PEX3: variants seen among roughly 807,000 people sequenced by gnomAD.
The protein encoded by PEX3 is peroxin-3.
A neutral mutation model predicts 55.8 loss-of-function variants in PEX3; 30 were observed. The observed-to-expected ratio is 0.54, with a 90% CI of 0.40 to 0.73. The LOEUF is 0.73. Ranked by LOEUF, PEX3 falls within the 30% of genes least tolerant of loss-of-function variation. PEX3 has a pLI of 0.00. For missense variants in PEX3, 351 were observed against 432.8 expected (o/e 0.81, Z 1.68); for synonymous variants, 135 against 148.4 (o/e 0.91, Z 0.66).
Position 143,487,980 on chromosome 6 carries a change from T to C in PEX3, c.1039-1163T>C, listed in dbSNP as rs1385106845. ...TGTTTGAGTTTTCTTTACATTTTCA[T>C]AGAAATCAAAACACAAAATTTCCCC... On this transcript the variant is annotated intron_variant, in intron 11 of 11. Coordinates refer to ENST00000367591, the MANE Select transcript of PEX3 (RefSeq NM_003630.3). This position sits in a 1 kb window ranked among gnomAD's most constrained non-coding sequence, Gnocchi z 5.3. 6.6e-6 allele frequency among the ~76,000 whole-genome samples: 1 copy of C among 152,146 alleles called. No homozygotes were observed. The highest frequency in any genetic ancestry group is 1.5e-5 in the Non-Finnish European group (1 of 67,996).
chr6:143,456,397 T>C (rs1409194857), intron 1 of PEX3, among the ~76,000 whole-genome samples: 2 of 152,236 alleles, frequency 1.3e-5, no homozygotes, highest in African/African-American at 4.8e-5. Flanking sequence ...AATTAGACCT[T>C]GTATAAGAAC....
At chr6:143,480,797 G>A (rs779804108) in intron 10 of PEX3, among the ~76,000 whole-genome samples, 1 of 152,130 alleles carries the variant, frequency 6.6e-6, no homozygotes, top group Non-Finnish European at 1.5e-5. Flanking sequence ...GATTGCACGA[G>A]CCCAGGAGTT....
intron 4 of PEX3, among the ~76,000 whole-genome samples, chr6:143,469,751 C>T (rs540216824): frequency 2.0e-5 from 3 of 152,176 alleles, no homozygotes; most frequent in Non-Finnish European, 2.9e-5. Flanking sequence ...AGTCCTTGCC[C>T]ATGCCAATGT....
intron 1 of PEX3, among the ~76,000 whole-genome samples, chr6:143,456,439 G>A (rs565778300): frequency 4.6e-5 from 7 of 152,288 alleles, no homozygotes; most frequent in African/African-American, 1.7e-4. Context: ...GAAAAATAAT[G>A]GATTGTGTGA....
Position 143,451,142 on chromosome 6 carries a change from G to C in PEX3, c.73+27G>C, listed in dbSNP as rs756619702. On this transcript the variant is annotated intron_variant, in intron 1 of 11. Transcript: ENST00000367591. The surrounding 1 kb of genome is among the most constrained non-coding windows in gnomAD (Gnocchi z 4.1). Reference sequence around the variant, plus strand: ...TGGGTGACAACGTGCTTGAAAGGGGGCATTGGGAGAAGGGGGTGGGAGAGG... The same window carrying C: ...TGGGTGACAACGTGCTTGAAAGGGGCCATTGGGAGAAGGGGGTGGGAGAGG... 6.6e-7 allele frequency: 1 copy of C among 1,518,488 alleles called. No homozygotes were observed. Among genetic ancestry groups the C allele is most frequent in the African/African-American group, 1.4e-5 (1 of 73,290 alleles). 94.1% of individuals were successfully genotyped at this position (1,518,488 alleles called of 1,614,324 possible). A position where few individuals can be genotyped will look rare whatever the true frequency, so the allele number is the denominator to read the frequency against.
intron 4 of PEX3, among the ~76,000 whole-genome samples, chr6:143,470,129 T>G (rs567193290): frequency 6.6e-6 from 1 of 152,278 alleles, no homozygotes; most frequent in African/African-American, 2.4e-5. Context: ...TTTGTATTTT[T>G]GGTAGAGACA....
rs1010990182 is a variant in PEX3 at position 143,466,526 on chromosome 6, C to A, written c.288-1596C>A. 6.6e-6 allele frequency among the ~76,000 whole-genome samples: 1 copy of A among 151,986 alleles called. No homozygotes were observed. Among genetic ancestry groups the A allele is most frequent in the Non-Finnish European group, 1.5e-5 (1 of 67,936 alleles). ...GAGTTATTGTTGTTAATTTTTTACA[C>A]TGCCTAGTTTATAAATTAAACTTTA... On this transcript the variant is annotated intron_variant, in intron 3 of 11. Transcript: ENST00000367591. The surrounding 1 kb of genome is among the most constrained non-coding windows in gnomAD (Gnocchi z 5.4).
rs747026851 is a variant in PEX3, at chr6:143,459,052, C to G, written c.74-33C>G. The G allele has an allele frequency of 5.5e-6, 8 of 1,460,626 alleles. No individual in the cohort carries two copies. Among genetic ancestry groups the G allele is most frequent in the Admixed American group, 5.0e-5 (3 of 59,488 alleles). 90.5% of individuals were successfully genotyped at this position (1,460,626 alleles called of 1,614,324 possible). A position where few individuals can be genotyped will look rare whatever the true frequency, so the allele number is the denominator to read the frequency against. On this transcript the variant is annotated intron_variant, in intron 1 of 11. Transcript: ENST00000367591. This position sits in a 1 kb window ranked among gnomAD's most constrained non-coding sequence, Gnocchi z 4.2. ...AATACTGTGTAGAATTTTTGGTACT[C>G]TAATGAATATAGTACTTTTTTAATG...
chr6:143,485,350 C>A lies in PEX3; in HGVS notation c.1038+102C>A. On this transcript the variant is annotated intron_variant, in intron 11 of 11. Transcript: ENST00000367591. The surrounding 1 kb of genome is among the most constrained non-coding windows in gnomAD (Gnocchi z 5.6). Reference sequence around the variant, plus strand: ...TACATTCTCTGCTGAGAGGTTTTTTCAAAAAATCACAGAACTTGGAACTAC... The same window carrying A: ...TACATTCTCTGCTGAGAGGTTTTTTAAAAAAATCACAGAACTTGGAACTAC... The A allele has an allele frequency of 1.3e-6, 1 of 758,414 alleles. No individual in the cohort carries two copies. The highest frequency in any genetic ancestry group is 2.5e-5 in the East Asian group (1 of 39,682). 47.0% of individuals were successfully genotyped at this position (758,414 alleles called of 1,614,324 possible). A position where few individuals can be genotyped will look rare whatever the true frequency, so the allele number is the denominator to read the frequency against.
In PEX3 at chr6:143,453,338, G is replaced by A. The variant is rs1252610228; in HGVS notation, c.73+2223G>A. Among the ~76,000 whole-genome samples, 1 of 152,168 alleles carries A rather than the reference G, an allele frequency of 6.6e-6. No individual in the cohort carries two copies. The highest frequency in any genetic ancestry group is 1.5e-5 in the Non-Finnish European group (1 of 68,036). On this transcript the variant is annotated intron_variant, in intron 1 of 11. Transcript: ENST00000367591. This position sits in a 1 kb window ranked among gnomAD's most constrained non-coding sequence, Gnocchi z 4.6. ...TCAACAGGCATGCGCAGAGAAGTTTGGGCATTCAATAGTGGGGGAAGTAAG... is the reference window on the plus strand; with the variant it reads ...TCAACAGGCATGCGCAGAGAAGTTTAGGCATTCAATAGTGGGGGAAGTAAG...
chr6:143,487,695 C>T lies in PEX3; in HGVS notation c.1039-1448C>T, dbSNP rs952440310. Among the ~76,000 whole-genome samples, 1 of 151,940 alleles carries T rather than the reference C, an allele frequency of 6.6e-6. No individual in the cohort carries two copies. The highest frequency in any genetic ancestry group is 2.4e-5 in the African/African-American group (1 of 41,386). On this transcript the variant is annotated intron_variant, in intron 11 of 11. Transcript: ENST00000367591. This position sits in a 1 kb window ranked among gnomAD's most constrained non-coding sequence, Gnocchi z 5.3. ...GCTACTGTTCATGCTGTTGAGCATTCAGCCTGCATTTTCTGAAGCTGACTT... is the reference window on the plus strand; with the variant it reads ...GCTACTGTTCATGCTGTTGAGCATTTAGCCTGCATTTTCTGAAGCTGACTT...
chr6:143,464,904 A>G lies in PEX3; in HGVS notation c.287+1907A>G, dbSNP rs1779972566. Among the ~76,000 whole-genome samples, 1 of 151,926 alleles carries G rather than the reference A, an allele frequency of 6.6e-6. No homozygotes were observed. Among genetic ancestry groups the G allele is most frequent in the Non-Finnish European group, 1.5e-5 (1 of 67,842 alleles). On this transcript the variant is annotated intron_variant, in intron 3 of 11. Coordinates refer to ENST00000367591, the MANE Select transcript of PEX3 (RefSeq NM_003630.3). The surrounding 1 kb of genome is among the most constrained non-coding windows in gnomAD (Gnocchi z 5.8). Reference sequence around the variant, plus strand: ...ACTATTTGTGATAATAACTAAGATAATAACTAATGAGAAATAAGTAGATGA... The same window carrying G: ...ACTATTTGTGATAATAACTAAGATAGTAACTAATGAGAAATAAGTAGATGA...
chr6:143,480,975 G>A (rs899503180), intron 10 of PEX3, among the ~76,000 whole-genome samples: 1 of 152,092 alleles, frequency 6.6e-6, no homozygotes, highest in African/African-American at 2.4e-5. Context: ...TTGTGCTACT[G>A]CACTTCATCC....
In PEX3 at chr6:143,488,065, A is replaced by G. The variant is rs7741976; in HGVS notation, c.1039-1078A>G. ...ATTCTGGTTTGAGAAACATTGATCT[A>G]AACCTATGTTTCATTGAACACCTAG... On this transcript the variant is annotated intron_variant, in intron 11 of 11. Coordinates refer to ENST00000367591, the MANE Select transcript of PEX3 (RefSeq NM_003630.3). The surrounding 1 kb of genome is among the most constrained non-coding windows in gnomAD (Gnocchi z 4.9). 0.22 allele frequency among the ~76,000 whole-genome samples: 33,560 copies of G among 151,980 alleles called. 3,821 individuals carry two copies. Among genetic ancestry groups the G allele is most frequent in the African/African-American group, 0.23 (9,421 of 41,482 alleles).
In PEX3 at chr6:143,485,157, C is replaced by T; in HGVS notation, c.947C>T (p.Ser316Phe). The change falls in exon 11 of 12, where the codon TCC becomes TTC. Residue 316 changes from serine to phenylalanine, a missense_variant. Transcript: ENST00000367591. This position sits in a 1 kb window ranked among gnomAD's most constrained non-coding sequence, Gnocchi z 5.6. ...LQHGNSMNSLSSVSLPLAKII... is the reference protein window; with the variant it reads ...LQHGNSMNSLFSVSLPLAKII... ...TTACTGTAATGATTTTTCAGTCTTT[C>T]CAGTGTCAGCCTGCCTTTAGCTAAG... The T allele has an allele frequency of 6.3e-7, 1 of 1,580,006 alleles. No homozygotes were observed. The highest frequency in any genetic ancestry group is 8.7e-7 in the Non-Finnish European group (1 of 1,149,266).
At chr6:143,467,203 T>G (rs1382662469) in intron 3 of PEX3, among the ~76,000 whole-genome samples, 1 of 152,054 alleles carries the variant, frequency 6.6e-6, no homozygotes, top group Admixed American at 6.6e-5. Flanking sequence ...GTAATTATGT[T>G]GCTTTCACCT....
chr6:143,484,152 C>A (rs1003193692), intron 10 of PEX3, among the ~76,000 whole-genome samples: 4 of 152,222 alleles, frequency 2.6e-5, no homozygotes, highest in Middle Eastern at 3.4e-3. Context: ...AAGACTAAAT[C>A]TACAACCCCA....
rs1046185193 is a variant in PEX3 at position 143,475,491 on chromosome 6, A to G, written c.818+635A>G. On this transcript the variant is annotated intron_variant, in intron 9 of 11. Transcript: ENST00000367591. The surrounding 1 kb of genome is among the most constrained non-coding windows in gnomAD (Gnocchi z 4.4). ...ACATGGCAAAAACCCCATCTTAAAC[A>G]AAAGAAAAAAAATTAGCCAGGCATG... Among the ~76,000 whole-genome samples, 1 of 152,102 alleles carries G rather than the reference A, an allele frequency of 6.6e-6. No homozygotes were observed. Among genetic ancestry groups the G allele is most frequent in the East Asian group, 1.9e-4 (1 of 5,188 alleles).
rs878867229 is a variant in PEX3, at chr6:143,466,178, T to C, written c.288-1944T>C. On this transcript the variant is annotated intron_variant, in intron 3 of 11. Coordinates refer to ENST00000367591, the MANE Select transcript of PEX3 (RefSeq NM_003630.3). The surrounding 1 kb of genome is among the most constrained non-coding windows in gnomAD (Gnocchi z 5.4). ...GTATACAATAGTCCCATCCACCTTATCCATGGTTTCACTTTCCAAGGTTTC... is the reference window on the plus strand; with the variant it reads ...GTATACAATAGTCCCATCCACCTTACCCATGGTTTCACTTTCCAAGGTTTC... Among the ~76,000 whole-genome samples the C allele has an allele frequency of 9.9e-5, 15 of 152,060 alleles. No individual in the cohort carries two copies. Among genetic ancestry groups the C allele is most frequent in the African/African-American group, 3.6e-4 (15 of 41,428 alleles).
Sources: gnomAD v4.1 joint callset for allele counts (sites outside exome capture counted in the v4.1 genomes callset) on GRCh38, gnomAD v4.1.1 for gene constraint, Gnocchi (gnomAD v3.1) non-coding constraint, MANE v1.5 for transcripts, NCBI Gene and HGNC (gene_info 2026-07-23, HGNC 2026-07-21) for gene names.